TIAM2: variants seen among roughly 807,000 people sequenced by gnomAD.
The protein encoded by TIAM2 is rho guanine nucleotide exchange factor TIAM2.
A neutral mutation model predicts 152.9 loss-of-function variants in TIAM2; 80 were observed. The observed-to-expected ratio is 0.52, with a 90% confidence interval of 0.44 to 0.63. The LOEUF (loss-of-function observed/expected upper bound fraction) is 0.63, where lower values mean the gene tolerates loss of function less well. Among genes scored for constraint, TIAM2 ranks in the 30% least tolerant of loss-of-function variants. The probability of loss-of-function intolerance (pLI) is 0.00; values close to 1 mark genes in which losing one functional copy is unlikely to be tolerated. For missense variants in TIAM2, 1,965 were observed against 2,120.1 expected, an observed-to-expected ratio of 0.93 and a Z score of 1.44; for synonymous variants, 804 against 838.0, an observed-to-expected ratio of 0.96 and a Z score of 0.70.
In TIAM2 at chr6:155,104,236, G is replaced by A. The variant is rs1050274378; in HGVS notation, c.-118+13857G>A. Among the ~76,000 whole-genome samples, 3 of 152,108 alleles carry A rather than the reference G, an allele frequency of 2.0e-5. No homozygotes were observed. The South Asian group carries it at 6.2e-4, about 32-fold the overall frequency. On this transcript the variant is annotated intron_variant, in intron 2 of 26. Coordinates refer to ENST00000682666, the MANE Select transcript of TIAM2 (RefSeq NM_012454.4). Reference sequence around the variant, plus strand: ...TGTGACCTTTTGCAAGTCACTTAAGGTCTCTGTTTCTTTATCTGTAATTCC... The same window carrying A: ...TGTGACCTTTTGCAAGTCACTTAAGATCTCTGTTTCTTTATCTGTAATTCC...
intron 1 of TIAM2, among the ~76,000 whole-genome samples, chr6:155,009,029 C>A (rs1239949065): frequency 6.6e-6 from 1 of 151,462 alleles, no homozygotes; most frequent in East Asian, 1.9e-4. Context: ...ATCAGAATCA[C>A]CTGGAGGGCT....
chr6:155,044,195 A>G (rs557856082), intron 1 of TIAM2, among the ~76,000 whole-genome samples: 1 of 152,176 alleles, frequency 6.6e-6, no homozygotes, highest in Non-Finnish European at 1.5e-5. Context: ...TTTTCACAGA[A>G]GATAAATACA....
intron 7 of TIAM2, among the ~76,000 whole-genome samples, chr6:155,149,649 A>G (rs918638658): frequency 1.3e-5 from 2 of 152,194 alleles, no homozygotes; most frequent in Non-Finnish European, 2.9e-5. Context: ...GAGGCTGGGC[A>G]TGGTGGCTGA....
chr6:155,209,199 GC>G (rs1232687676), intron 14 of TIAM2, among the ~76,000 whole-genome samples: 1 of 151,596 alleles, frequency 6.6e-6, no homozygotes, highest in African/African-American at 2.4e-5. Context: ...CTCACCAACT[GC>G]CTCTCCCCAG....
chr6:155,015,957 A>C (rs1468161985), intron 1 of TIAM2, among the ~76,000 whole-genome samples: 2 of 147,820 alleles, frequency 1.4e-5, no homozygotes, highest in East Asian at 1.9e-4. Context: ...AAAAAAAAAA[A>C]AAAAAAAAAA....
At chr6:155,220,836 TAC>T (rs1562358798) in intron 15 of TIAM2, among the ~76,000 whole-genome samples, 1 of 152,168 alleles carries the variant, frequency 6.6e-6, no homozygotes, top group Non-Finnish European at 1.5e-5. Flanking sequence ...TACATAGGTA[TAC>T]ATGTGCCACG....
intron 7 of TIAM2, among the ~76,000 whole-genome samples, chr6:155,158,068 T>C (rs563873096): frequency 1.3e-5 from 2 of 152,318 alleles, no homozygotes; most frequent in African/African-American, 2.4e-5. Flanking sequence ...TTGGAAAGCA[T>C]GGAACGGGAG....
intron 14 of TIAM2, among the ~76,000 whole-genome samples, chr6:155,201,134 G>A (rs965070006): frequency 2.0e-5 from 3 of 152,148 alleles, no homozygotes; most frequent in African/African-American, 7.2e-5. Context: ...GTTGTAGTAT[G>A]AATCAATTCT....
At position 155,172,661 on chromosome 6, in the gene TIAM2, T is replaced by TATAGATATATAGATATATAG. The variant is rs1336761700; in HGVS notation, c.2362-4152_2362-4151insGATATATAGATATATAGATA. 3.6e-3 allele frequency among the ~76,000 whole-genome samples: 30 copies of TATAGATATATAGATATATAG among 8,276 alleles called. 1 individual carries two copies. Among genetic ancestry groups the TATAGATATATAGATATATAG allele is most frequent in the African/African-American group, 9.5e-3 (27 of 2,840 alleles). The allele number at this position is 8,276 out of a possible 152,430, so 5.4% of individuals were successfully genotyped here. A position where few individuals can be genotyped will look rare whatever the true frequency, so the allele number is the denominator to read the frequency against. On this transcript the variant is annotated intron_variant, in intron 9 of 26. Coordinates refer to ENST00000682666, the MANE Select transcript of TIAM2 (RefSeq NM_012454.4). ...TTGGAAATATATATATATATATATA[T>TATAGATATATAGATATATAG]ATATATATATATATATATATATATA...
rs536446786 is a variant in TIAM2 at position 155,254,405 on chromosome 6, C to A, written c.4314-14C>A. On this transcript the variant is annotated splice_polypyrimidine_tract_variant and intron_variant, in intron 25 of 26. Coordinates refer to ENST00000682666, the MANE Select transcript of TIAM2 (RefSeq NM_012454.4). ...TGTGGACACTTCTGCTGTTTTCTCT[C>A]CCCCCCCACCCAGTGACAGTGAAAG... The A allele has an allele frequency of 2.6e-6, 4 of 1,559,744 alleles. No individual in the cohort carries two copies. Among genetic ancestry groups the A allele is most frequent in the East Asian group, 2.2e-5 (1 of 44,688 alleles).
chr6:155,131,545 A>G (rs1170777736), intron 4 of TIAM2, among the ~76,000 whole-genome samples: 1 of 152,120 alleles, frequency 6.6e-6, no homozygotes, highest in African/African-American at 2.4e-5. Context: ...ACATCAAAAA[A>G]AAAAGTTGAT....
chr6:155,257,563 G>T lies in TIAM2; in HGVS notation c.*442G>T. The T allele has an allele frequency of 2.7e-6, 1 of 376,266 alleles. No individual in the cohort carries two copies. The highest frequency in any genetic ancestry group is 4.4e-6 in the Non-Finnish European group (1 of 226,952). The allele number at this position is 376,266 out of a possible 1,614,324, so 23.3% of individuals were successfully genotyped here. A position where few individuals can be genotyped will look rare whatever the true frequency, so the allele number is the denominator to read the frequency against. On this transcript the variant is annotated 3_prime_UTR_variant, in exon 27 of 27. Transcript: ENST00000682666. ...ATGTGGTTTAGGGGCAAAATGTGCAGATACTTCATTTTTGTAAGATAGATT... is the reference window on the plus strand; with the variant it reads ...ATGTGGTTTAGGGGCAAAATGTGCATATACTTCATTTTTGTAAGATAGATT...
chr6:155,237,555 C>T (rs536673972), intron 15 of TIAM2, among the ~76,000 whole-genome samples: 3 of 152,364 alleles, frequency 2.0e-5, no homozygotes, highest in Non-Finnish European at 2.9e-5. Flanking sequence ...GAGAGCCCTG[C>T]CCCTGCAGCA....
chr6:155,181,251 T>G (rs1381292741), intron 12 of TIAM2, among the ~76,000 whole-genome samples: 1 of 152,304 alleles, frequency 6.6e-6, no homozygotes, highest in East Asian at 1.9e-4. Flanking sequence ...TCAGGAGCCA[T>G]GCATTCAGAA....
At chr6:155,157,713 G>A (rs1434685093) in intron 7 of TIAM2, among the ~76,000 whole-genome samples, 1 of 152,176 alleles carries the variant, frequency 6.6e-6, no homozygotes, top group Non-Finnish European at 1.5e-5. Flanking sequence ...GTAGAGCTGG[G>A]ATTTGGACAC....
intron 8 of TIAM2, among the ~76,000 whole-genome samples, chr6:155,164,981 T>C (rs1780383597): frequency 6.6e-6 from 1 of 152,194 alleles, no homozygotes; most frequent in Non-Finnish European, 1.5e-5. Context: ...TTTGAAGTCG[T>C]ACCCATTTTG....
chr6:155,137,554 A>T lies in TIAM2; in HGVS notation c.1572A>T (p.Glu524Asp), dbSNP rs780985261. The change falls in exon 5 of 27, where the codon GAA (glutamate) becomes GAT (aspartate). Residue 524 changes from glutamate (E) to aspartate (D), a missense_variant. This residue lies in a region of TIAM2 where 1,025 missense variants were observed against 1,119.4 expected (regional missense o/e 0.92). Transcript: ENST00000682666. ...AGCCCCTGGTCACTGTGCAGAAGGA[A>T]AGGAAGCTTGAGCTGGTGGCACGAA... ...FFKPLVTVQKERKLELVARRK... is the reference protein window; with the variant it reads ...FFKPLVTVQKDRKLELVARRK... 1 of 1,612,750 alleles carries T rather than the reference A, an allele frequency of 6.2e-7. No individual in the cohort carries two copies. The highest frequency in any genetic ancestry group is 2.2e-5 in the East Asian group (1 of 44,872).
At chr6:155,073,216 G>A (rs971196616) in intron 1 of TIAM2, among the ~76,000 whole-genome samples, 3 of 142,400 alleles carry the variant, frequency 2.1e-5, no homozygotes, top group Non-Finnish European at 4.5e-5. Context: ...AGACTGGAGT[G>A]CAGTGGCACA....
chr6:155,069,700 A>G (rs1777791105), intron 1 of TIAM2, among the ~76,000 whole-genome samples: 1 of 152,226 alleles, frequency 6.6e-6, no homozygotes, highest in Non-Finnish European at 1.5e-5. Flanking sequence ...CAGCTAAAAT[A>G]TATTAGAAAA....
Sources: gnomAD v4.1 joint callset for allele counts (sites outside exome capture counted in the v4.1 genomes callset) on GRCh38, gnomAD v4.1.1 for gene constraint, gnomAD v4.1.1 regional missense constraint, MANE v1.5 for transcripts, NCBI Gene and HGNC (gene_info 2026-07-23, HGNC 2026-07-21) for gene names.